OGG1: variants seen among roughly 807,000 people sequenced by gnomAD.
OGG1 encodes 8-oxoguanine DNA glycosylase, also known as N-glycosylase/DNA lyase.
Under a neutral mutation model 42.3 loss-of-function variants are expected in OGG1, and 35 were observed. That is an observed-to-expected ratio of 0.83 (90% CI 0.63 to 1.10). OGG1 has a LOEUF of 1.10. OGG1 is among the 50% of genes least tolerant of loss of function. The pLI, the probability that OGG1 is intolerant of heterozygous loss-of-function variation, is 0.00. For missense variants in OGG1, 484 were observed against 446.7 expected, an observed-to-expected ratio of 1.08 and a Z score of -0.75; for synonymous variants, 189 against 179.0, an observed-to-expected ratio of 1.06 and a Z score of -0.44.
At chr3:9,763,162 G>A (rs2077970182) in intron 7 of OGG1, 1 of 1,614,036 alleles carries the variant, frequency 6.2e-7, no homozygotes, top group Non-Finnish European at 8.5e-7. Flanking sequence ...GGTAGAGGTG[G>A]CCCCCACTCT....
At chr3:9,780,345 C>T in intron 2 of OGG1, 1 of 1,604,962 alleles carries the variant, frequency 6.2e-7, no homozygotes, top group Non-Finnish European at 8.5e-7. Flanking sequence ...CAGCCTGAGG[C>T]AGGGGTGAGG....
rs1370095622 is a variant in OGG1, at chr3:9,756,435, C to T, written c.748-36C>T. 3.1e-6 allele frequency: 5 copies of T among 1,613,272 alleles called. 1 individual carries two copies. The highest frequency in any genetic ancestry group is 3.3e-4 in the Middle Eastern group (2 of 6,058). ...AGCAAGATGCTGGCCACATGCTGCC[C>T]TTCTTCCACAAGGGCTCATTCTGTG... On this transcript the variant is annotated intron_variant, in intron 4 of 6. Coordinates refer to ENST00000344629, the MANE Select transcript of OGG1 (RefSeq NM_002542.6).
intron 3 of OGG1, among the ~76,000 whole-genome samples, chr3:9,753,828 A>G (rs2077417805): frequency 6.6e-6 from 1 of 152,212 alleles, no homozygotes; most frequent in Non-Finnish European, 1.5e-5. Context: ...GAGGCAGTGT[A>G]GTGTAATGGG....
chr3:9,786,936 G>A (rs1398622380), intron 3 of OGG1: 55 of 1,394,266 alleles, frequency 3.9e-5, no homozygotes, highest in Non-Finnish European at 5.5e-5. Context: ...GATAAATTCC[G>A]ATAAAAAATA....
intron 7 of OGG1, among the ~76,000 whole-genome samples, chr3:9,764,634 T>TG (rs2078062023): frequency 6.8e-6 from 1 of 147,614 alleles, no homozygotes; most frequent in African/African-American, 2.5e-5. Context: ...TTTTGTTTTT[T>TG]TTTTTTTTTT....
chr3:9,759,781 G>A, downstream of OGG1: 10 of 1,614,022 alleles, frequency 6.2e-6, no homozygotes, highest in Non-Finnish European at 8.5e-6. Flanking sequence ...CAAAGATAAT[G>A]ACAGCATGGT....
At chr3:9,759,265 A>T (rs147458720), downstream of OGG1, 685 of 1,613,788 alleles carry the variant, frequency 4.2e-4, no homozygotes, top group Non-Finnish European at 5.4e-4. Context: ...AGAATTACAG[A>T]CTTCTTCCTC....
intron 2 of OGG1, chr3:9,781,407 T>C (rs2078460821): frequency 2.3e-6 from 1 of 428,610 alleles, no homozygotes; most frequent in African/African-American, 2.0e-5. Context: ...ATGTTACCCG[T>C]GAGGAAAATG....
chr3:9,787,715 A>T, intron 3 of OGG1: 1 of 1,308,828 alleles, frequency 7.6e-7, no homozygotes, highest in South Asian at 1.2e-5. Flanking sequence ...TGTCTGTATG[A>T]ACTCTTTTTC....
chr3:9,781,059 G>A (rs982992157), intron 2 of OGG1, among the ~76,000 whole-genome samples: 1 of 151,938 alleles, frequency 6.6e-6, no homozygotes, highest in African/African-American at 2.4e-5. Flanking sequence ...GAGGCCAGGA[G>A]TTCAAGGTTA....
At chr3:9,775,115 C>T (rs2078348691) in intron 2 of OGG1, among the ~76,000 whole-genome samples, 1 of 152,038 alleles carries the variant, frequency 6.6e-6, no homozygotes, top group Non-Finnish European at 1.5e-5. Context: ...TGGCACACGC[C>T]TGTAACCCCA....
chr3:9,781,733 T>A, intron 3 of OGG1: 2 of 397,444 alleles, frequency 5.0e-6, no homozygotes, highest in South Asian at 3.5e-5. Flanking sequence ...GATGCTCAGG[T>A]CAGGGGCTGC....
At chr3:9,767,730 C>T, downstream of OGG1, 2 of 1,614,148 alleles carry the variant, frequency 1.2e-6, no homozygotes, top group Non-Finnish European at 1.7e-6. Context: ...CCACCTGGGG[C>T]CTTCCACTGC....
At chr3:9,785,025 GATTA>G (rs1228400511) in intron 3 of OGG1, among the ~76,000 whole-genome samples, 2 of 152,038 alleles carry the variant, frequency 1.3e-5, no homozygotes, top group Non-Finnish European at 2.9e-5. Context: ...GCAGCTATAT[GATTA>G]ATAGCCCCAA....
chr3:9,754,148 A>T (rs181361084), intron 3 of OGG1, among the ~76,000 whole-genome samples: 45 of 149,272 alleles, frequency 3.0e-4, no homozygotes, highest in African/African-American at 9.9e-4. Flanking sequence ...TCAAAAAAAG[A>T]AAAAGCACAG....
chr3:9,754,631 G>A, intron 3 of OGG1, 73 bp from the exon 4 acceptor site: 2 of 1,518,450 alleles, frequency 1.3e-6, no homozygotes, highest in Non-Finnish European at 1.8e-6. Flanking sequence ...GAGGTAGAGA[G>A]CTCACTTACT....
At chr3:9,759,193 C>G, downstream of OGG1, 1 of 1,612,872 alleles carries the variant, frequency 6.2e-7, no homozygotes, top group East Asian at 2.2e-5. Flanking sequence ...ACAGCTCTGT[C>G]AGGTCATCAC....
At chr3:9,763,230 G>T (rs995609046) in intron 7 of OGG1, 1 of 1,613,676 alleles carries the variant, frequency 6.2e-7, no homozygotes, top group East Asian at 2.2e-5. Flanking sequence ...GGAGAAATGA[G>T]GTGGTTTAGC....
At chr3:9,788,534 C>T (rs293789), downstream of OGG1, among the ~76,000 whole-genome samples, 28,390 of 149,324 alleles carry the variant, frequency 0.19, 3,043 homozygotes, top group African/African-American at 0.28. Flanking sequence ...CTTGAGCCAC[C>T]GCACCCGGCT....
Sources: gnomAD v4.1 joint callset for allele counts (sites outside exome capture counted in the v4.1 genomes callset) on GRCh38, gnomAD v4.1.1 for gene constraint, MANE v1.5 for transcripts, NCBI Gene and HGNC (gene_info 2026-07-23, HGNC 2026-07-21) for gene names.